SVOP: variants seen among roughly 807,000 people sequenced by gnomAD.
SVOP encodes the protein SV2 related protein.
In SVOP, 17 loss-of-function variants were observed where a neutral mutation model predicts 69.1. The ratio of observed to expected loss-of-function variants is 0.25; its 90% CI spans 0.17 to 0.37. The LOEUF (loss-of-function observed/expected upper bound fraction) is 0.37, where lower values mean the gene tolerates loss of function less well. SVOP is among the 10% of genes least tolerant of loss of function. The pLI, the probability that SVOP is intolerant of heterozygous loss-of-function variation, is 1.00. For missense variants in SVOP, 435 were observed against 597.5 expected, an observed-to-expected ratio of 0.73 and a Z score of 2.84; for synonymous variants, 238 against 238.6, an observed-to-expected ratio of 1.00 and a Z score of 0.02.
intron 4 of SVOP, among the ~76,000 whole-genome samples, chr12:108,977,133 T>G (rs184288058): frequency 6.6e-6 from 1 of 151,880 alleles, no homozygotes; most frequent in Admixed American, 6.6e-5. Context: ...GCATACAGAG[T>G]TTAAGTGATA....
chr12:109,018,975 A>G (rs930412647), intron 1 of SVOP, among the ~76,000 whole-genome samples: 1 of 152,224 alleles, frequency 6.6e-6, no homozygotes, highest in African/African-American at 2.4e-5. Flanking sequence ...ACTTGCTTAA[A>G]GTCACACAGC....
chr12:108,948,266 A>G (rs2039935865), intron 6 of SVOP, among the ~76,000 whole-genome samples: 2 of 152,176 alleles, frequency 1.3e-5, no homozygotes, highest in South Asian at 4.1e-4. Flanking sequence ...CTTCCTCCCA[A>G]GAGCACTCTC....
chr12:108,963,831 C>T (rs2040030549), intron 5 of SVOP, among the ~76,000 whole-genome samples: 1 of 152,178 alleles, frequency 6.6e-6, no homozygotes, highest in East Asian at 1.9e-4. Flanking sequence ...AATAGCTACT[C>T]TCCTCTCTAT....
At chr12:108,913,742 G>A (rs576314727) in intron 15 of SVOP, among the ~76,000 whole-genome samples, 11 of 152,126 alleles carry the variant, frequency 7.2e-5, no homozygotes, top group Non-Finnish European at 1.5e-4. Flanking sequence ...TCTGCCTCCC[G>A]GGTTCAAGCA....
intron 6 of SVOP, among the ~76,000 whole-genome samples, chr12:108,957,650 T>A (rs900256390): frequency 3.3e-5 from 5 of 152,146 alleles, no homozygotes; most frequent in African/African-American, 9.7e-5. Flanking sequence ...ATACCAGACA[T>A]CTCTTGGTAA....
At chr12:108,991,837 T>A (rs36141901) in intron 1 of SVOP, among the ~76,000 whole-genome samples, 3 of 151,608 alleles carry the variant, frequency 2.0e-5, no homozygotes, top group Non-Finnish European at 4.4e-5. Context: ...TCTTGGCTAC[T>A]CAAAAGGCTG....
chr12:109,017,763 C>T (rs148826150), intron 1 of SVOP, among the ~76,000 whole-genome samples: 32,528 of 151,832 alleles, frequency 0.21, 4,945 homozygotes, highest in African/African-American at 0.43. Context: ...AGGCTTGTCT[C>T]GAACTGCTGA....
chr12:108,925,627 C>G (rs1405502276), intron 11 of SVOP, among the ~76,000 whole-genome samples: 1 of 152,200 alleles, frequency 6.6e-6, no homozygotes, highest in Non-Finnish European at 1.5e-5. Context: ...CCTATATTAT[C>G]TGGCACTTAA....
intron 6 of SVOP, among the ~76,000 whole-genome samples, chr12:108,956,144 C>CA (rs201660496): frequency 0.52 from 78,477 of 150,820 alleles, 24,143 homozygotes; most frequent in South Asian, 0.7. Context: ...ACTAAAAATA[C>CA]AAAAAAAATT....
intron 9 of SVOP, 145 bp downstream of exon 9, chr12:108,938,682 A>C: frequency 7.4e-7 from 1 of 1,345,332 alleles, no homozygotes; most frequent in East Asian, 2.3e-5. Flanking sequence ...CTGGGCCCTC[A>C]TCTGCTCCAT....
intron 11 of SVOP, among the ~76,000 whole-genome samples, chr12:108,929,037 G>A (rs531777575): frequency 1.4e-4 from 22 of 152,226 alleles, no homozygotes; most frequent in South Asian, 1.0e-3. Flanking sequence ...CACACTCTTC[G>A]TCCTGTCATA....
intron 10 of SVOP, among the ~76,000 whole-genome samples, chr12:108,935,648 C>T (rs1284785200): frequency 1.3e-5 from 2 of 152,148 alleles, no homozygotes; most frequent in African/African-American, 4.8e-5. Flanking sequence ...TAATTAGCAC[C>T]TTTGCTAAAT....
At chr12:108,970,639 A>G (rs2040073676) in intron 5 of SVOP, among the ~76,000 whole-genome samples, 1 of 152,146 alleles carries the variant, frequency 6.6e-6, no homozygotes, top group South Asian at 2.1e-4. Flanking sequence ...GGTCCCAAGC[A>G]TTGACATTGC....
intron 6 of SVOP, among the ~76,000 whole-genome samples, chr12:108,956,208 A>T (rs141927354): frequency 0.5 from 76,234 of 151,194 alleles, 22,790 homozygotes; most frequent in South Asian, 0.68. Context: ...AGGCTGAGGC[A>T]GGAGAATGGT....
At chr12:108,922,821 A>T (rs2039758111) in intron 11 of SVOP, 24 bp from the exon 12 acceptor site, 2 of 1,521,300 alleles carry the variant, frequency 1.3e-6, no homozygotes, top group East Asian at 4.7e-5. Context: ...AGAGAAAGAG[A>T]GGGGGAGACA....
chr12:109,010,809 T>C (rs1838520040), intron 1 of SVOP, among the ~76,000 whole-genome samples: 1 of 151,954 alleles, frequency 6.6e-6, no homozygotes, highest in African/African-American at 2.4e-5. Flanking sequence ...GCCCAAACTG[T>C]TCCCCTTAAG....
intron 5 of SVOP, among the ~76,000 whole-genome samples, chr12:108,965,533 A>T (rs1393768439): frequency 6.6e-6 from 1 of 152,200 alleles, no homozygotes; most frequent in Non-Finnish European, 1.5e-5. Flanking sequence ...CCTCCAGATT[A>T]CCTGATTTTC....
At chr12:109,004,974 G>C (rs372049499) in intron 1 of SVOP, among the ~76,000 whole-genome samples, 6 of 152,236 alleles carry the variant, frequency 3.9e-5, no homozygotes, top group African/African-American at 1.4e-4. Context: ...CTGACTTCAA[G>C]TGATCTACCT....
chr12:108,919,862 T>C lies in SVOP; in HGVS notation c.1157-76A>G, dbSNP rs574782330. 66 of 969,984 alleles carry C rather than the reference T, an allele frequency of 6.8e-5. No individual in the cohort carries two copies. The African/African-American group carries it at 9.4e-4, about 14-fold the overall frequency. The allele number at this position is 969,984 out of a possible 1,614,324, so 60.1% of individuals were successfully genotyped here. ...CCCTCCATCCTCGTAGCACAGCCTG[T>C]ATCATCCCCTCCCCTGGAGGGTGGA... On this transcript the variant is annotated intron_variant, in intron 12 of 15. Coordinates refer to ENST00000610966, the MANE Select transcript of SVOP (RefSeq NM_018711.5).
Sources: allele counts gnomAD v4.1 joint callset (sites outside exome capture counted in the v4.1 genomes callset), GRCh38; gene constraint gnomAD v4.1.1; transcripts MANE v1.5; gene names NCBI Gene and HGNC (gene_info 2026-07-23, HGNC 2026-07-21).